Variants in FAAP20 observed in about 807,000 individuals in gnomAD.
FAAP20 encodes the protein FA core complex associated protein 20.
In FAAP20, 12 loss-of-function variants were observed where a neutral mutation model predicts 16.2. The observed-to-expected ratio is 0.74, with a 90% CI of 0.48 to 1.20. FAAP20 has a LOEUF of 1.20. FAAP20 is among the 50% of genes most tolerant of loss of function. The pLI, the probability that FAAP20 is intolerant of heterozygous loss-of-function variation, is 0.00. For synonymous variants in FAAP20, 141 were observed against 110.7 expected (o/e 1.27, Z -1.72); for missense variants, 288 against 245.8 (o/e 1.17, Z -1.15).
downstream of FAAP20, among the ~76,000 whole-genome samples, chr1:2,211,733 G>A (rs1370497590): frequency 2.0e-5 from 3 of 151,392 alleles, no homozygotes; most frequent in Non-Finnish European, 4.4e-5. Context: ...ACAGGCATGA[G>A]CCACCGTGCC....
downstream of FAAP20, among the ~76,000 whole-genome samples, chr1:2,207,306 G>A (rs879602432): frequency 3.3e-5 from 5 of 152,152 alleles, no homozygotes; most frequent in Non-Finnish European, 5.9e-5. Flanking sequence ...ACCCTTCGCC[G>A]GCCTTCTTGG....
At position 2,194,771 on chromosome 1, in the gene FAAP20, G is replaced by A. The variant is rs1688718238; in HGVS notation, c.-22C>T. ...CCATCCAAGCCCGCGCCGGGCGGAA[G>A]TGAGCGCAAGCCCCGCCCCCGCCCC... On this transcript the variant is annotated 5_prime_UTR_variant, in exon 1 of 4. Coordinates refer to ENST00000378546, the MANE Select transcript of FAAP20 (RefSeq NM_182533.4). The A allele has an allele frequency of 5.1e-6, 6 of 1,173,060 alleles. No homozygotes were observed. Among genetic ancestry groups the A allele is most frequent in the South Asian group, 4.1e-5 (1 of 24,110 alleles). The allele number at this position is 1,173,060 out of a possible 1,614,324, so 72.7% of individuals were successfully genotyped here.
upstream of FAAP20, chr1:2,198,495 C>A (rs1162981880): frequency 4.5e-6 from 2 of 441,028 alleles, no homozygotes; most frequent in Non-Finnish European, 7.6e-6. Flanking sequence ...AGTGTCCCAG[C>A]CACTGGCATC....
downstream of FAAP20, among the ~76,000 whole-genome samples, chr1:2,211,222 CTT>C (rs1266630868): frequency 6.0e-5 from 8 of 132,746 alleles, no homozygotes; most frequent in Non-Finnish European, 1.3e-4. Flanking sequence ...CTTTTTCTTT[CTT>C]TCTTTTTTTT....
upstream of FAAP20, among the ~76,000 whole-genome samples, chr1:2,196,060 C>G (rs1027686717): frequency 2.0e-5 from 3 of 152,170 alleles, no homozygotes; most frequent in Non-Finnish European, 2.9e-5. The surrounding 1 kb of genome is among the most constrained non-coding windows in gnomAD (Gnocchi z 4.5). Context: ...GCGAGAGAAG[C>G]CCAGCCGTGG....
chr1:2,201,949 G>A (rs577482783), upstream of FAAP20, among the ~76,000 whole-genome samples: 8 of 151,282 alleles, frequency 5.3e-5, no homozygotes, highest in South Asian at 1.0e-3. Context: ...CCCGGGAGGC[G>A]GAGCTTGCAG....
chr1:2,201,738 C>T (rs1689057093), upstream of FAAP20, among the ~76,000 whole-genome samples: 1 of 150,538 alleles, frequency 6.6e-6, no homozygotes, highest in African/African-American at 2.5e-5. Flanking sequence ...AACAAAAAGT[C>T]TGGGCGCGGT....
chr1:2,211,226 C>CTTTTTTTTTTTTTTTTTTT (rs56294751), downstream of FAAP20, among the ~76,000 whole-genome samples: 7 of 101,138 alleles, frequency 6.9e-5, no homozygotes, highest in Non-Finnish European at 9.3e-5. Flanking sequence ...TTCTTTCTTT[C>CTTTTTTTTTTTTTTTTTTT]TTTTTTTTTT....
upstream of FAAP20, chr1:2,198,539 C>T (rs906652812): frequency 6.6e-6 from 4 of 606,594 alleles, no homozygotes; most frequent in African/African-American, 2.0e-5. Context: ...CTCTGCCCAG[C>T]GCTGACACCC....
chr1:2,208,614 G>C (rs933207425), downstream of FAAP20, among the ~76,000 whole-genome samples: 2 of 152,166 alleles, frequency 1.3e-5, no homozygotes, highest in East Asian at 1.9e-4. Flanking sequence ...CCATACCTGG[G>C]TCCCTGCAGC....
chr1:2,187,378 C>T (rs965011352), downstream of FAAP20, among the ~76,000 whole-genome samples: 5 of 151,024 alleles, frequency 3.3e-5, no homozygotes, highest in Admixed American at 6.6e-5. Context: ...GATCTCGGCT[C>T]ACTGCAACCT....
chr1:2,204,371 C>T (rs1689158107), upstream of FAAP20, among the ~76,000 whole-genome samples: 1 of 152,242 alleles, frequency 6.6e-6, no homozygotes, highest in African/African-American at 2.4e-5. Flanking sequence ...AGGGATTTGC[C>T]CCCTTCTGGG....
chr1:2,198,806 ACTGGGCTGTGCTCCACCACAC>A, upstream of FAAP20: 1 of 1,289,686 alleles, frequency 7.8e-7, no homozygotes, highest in South Asian at 1.2e-5. Flanking sequence ...GCAGCCAGGA[ACTGGGCTGTGCTCCACCACAC>A]CTGCTGGCCC....
downstream of FAAP20, among the ~76,000 whole-genome samples, chr1:2,211,626 T>C (rs1689449948): frequency 6.7e-6 from 1 of 148,752 alleles, no homozygotes; most frequent in African/African-American, 2.5e-5. Context: ...TTTTGTTATA[T>C]TTTTAGTAGT....
chr1:2,205,163 TC>T (rs1450379445), intron 3 of FAAP20, among the ~76,000 whole-genome samples: 4 of 9,070 alleles, frequency 4.4e-4, no homozygotes, highest in Admixed American at 1.1e-3. Context: ...TCCCCCGGGC[TC>T]CCCCCACGCC....
rs376098288 is a variant in FAAP20 at position 2,189,710 on chromosome 1, C to T, written c.542G>A (p.Ter181=). Residue 181 remains the stop codon, a stop_retained_variant, in exon 4 of 4, where the codon TGA becomes TAA. Transcript: ENST00000378546. ...CTGCGCAGGGCTCTTGGATGGCGCT[C>T]ACCACGTCACGTCTTCTGTGCTTTC... is the stretch of plus-strand genomic sequence containing the variant. The part of the protein sequence containing the change: ...LAESTEDVTW[*] 6.8e-6 allele frequency: 11 copies of T among 1,609,130 alleles called. No homozygotes were observed. The highest frequency in any genetic ancestry group is 2.7e-5 in the African/African-American group (2 of 74,942).
chr1:2,203,708 T>C, upstream of FAAP20: 1 of 943,320 alleles, frequency 1.1e-6, no homozygotes, highest in Non-Finnish European at 1.3e-6. Context: ...CCCCTGTTCC[T>C]TGAGCGGTCC....
At chr1:2,212,004 A>G (rs550598662), downstream of FAAP20, among the ~76,000 whole-genome samples, 171 of 143,602 alleles carry the variant, frequency 1.2e-3, no homozygotes, top group African/African-American at 3.7e-3. Context: ...CCAGGTTCAC[A>G]CCATTCTCCT....
In FAAP20 at chr1:2,193,676, G is replaced by GCAGGGCCGCGGCACCCTCCA. The variant is rs1553184181; in HGVS notation, c.413_432dup (p.Arg145TrpfsTer21). 2 of 1,600,596 alleles carry GCAGGGCCGCGGCACCCTCCA rather than the reference G, an allele frequency of 1.2e-6. No individual in the cohort carries two copies. Among genetic ancestry groups the GCAGGGCCGCGGCACCCTCCA allele is most frequent in the African/African-American group, 2.7e-5 (2 of 73,996 alleles). ...TCCTTCTGGCACATGGGGCAGCTGC[G>GCAGGGCCGCGGCACCCTCCA]CAGGGCCGCGGCACCCTCCACAGAC... On this transcript the variant is annotated frameshift_variant, in exon 3 of 4. Coordinates refer to ENST00000378546, the MANE Select transcript of FAAP20 (RefSeq NM_182533.4). LOFTEE classifies it high-confidence loss of function.
Sources: allele counts gnomAD v4.1 joint callset (sites outside exome capture counted in the v4.1 genomes callset), GRCh38; gene constraint gnomAD v4.1.1; non-coding constraint Gnocchi (gnomAD v3.1); transcripts MANE v1.5; gene names NCBI Gene and HGNC (gene_info 2026-07-23, HGNC 2026-07-21).